The following XYLT1 variants were observed in gnomAD, a reference collection of about 807,000 sequenced individuals.
XYLT1 encodes beta-D-xylosyltransferase 1.
A neutral mutation model predicts 91.3 loss-of-function variants in XYLT1; 36 were observed. That is an observed-to-expected ratio of 0.39 (90% confidence interval 0.30 to 0.52). The LOEUF is 0.52. XYLT1 is among the 20% of genes least tolerant of loss of function. The pLI, the probability that XYLT1 is intolerant of heterozygous loss-of-function variation, is 0.68. For synonymous variants in XYLT1, 588 were observed against 532.0 expected, an observed-to-expected ratio of 1.11 and a Z score of -1.45; for missense variants, 1,242 against 1,284.5, an observed-to-expected ratio of 0.97 and a Z score of 0.51.
intron 1 of XYLT1, among the ~76,000 whole-genome samples, chr16:17,398,256 C>G (rs2035915796): frequency 6.6e-6 from 1 of 152,190 alleles, no homozygotes; most frequent in African/African-American, 2.4e-5. Context: ...ATCCAACAAG[C>G]ACTGCTTAAG....
intron 2 of XYLT1, among the ~76,000 whole-genome samples, chr16:17,284,623 CA>C (rs1356527445): frequency 6.6e-6 from 1 of 152,118 alleles, no homozygotes; most frequent in Non-Finnish European, 1.5e-5. Flanking sequence ...ATGGTAAAAG[CA>C]AAACTCTCAC....
chr16:17,345,089 G>A (rs966118359), intron 2 of XYLT1, among the ~76,000 whole-genome samples: 1 of 152,210 alleles, frequency 6.6e-6, no homozygotes, highest in African/African-American at 2.4e-5. Flanking sequence ...GGTGGCAGAG[G>A]TGAGACCCAA....
intron 3 of XYLT1, among the ~76,000 whole-genome samples, chr16:17,226,586 G>C (rs2033070237): frequency 6.6e-6 from 1 of 152,198 alleles, no homozygotes; most frequent in African/African-American, 2.4e-5. Context: ...TCAGGTGTTT[G>C]AGACAAGCCT....
At chr16:17,228,271 C>T (rs2033102824) in intron 3 of XYLT1, among the ~76,000 whole-genome samples, 2 of 152,144 alleles carry the variant, frequency 1.3e-5, no homozygotes, top group South Asian at 2.1e-4. Flanking sequence ...TAGTGAAGGA[C>T]GACAGAAGAA....
At chr16:17,343,186 C>A (rs568503261) in intron 2 of XYLT1, among the ~76,000 whole-genome samples, 1 of 152,166 alleles carries the variant, frequency 6.6e-6, no homozygotes, top group African/African-American at 2.4e-5. Context: ...CATGTTACAA[C>A]GTCAGCCCCT....
intron 5 of XYLT1, among the ~76,000 whole-genome samples, chr16:17,161,194 C>G (rs774996979): frequency 2.0e-5 from 3 of 152,098 alleles, no homozygotes; most frequent in Non-Finnish European, 4.4e-5. Flanking sequence ...TCACATTTAC[C>G]GCTTCACCGA....
chr16:17,450,999 A>G (rs1431763475), intron 1 of XYLT1, among the ~76,000 whole-genome samples: 1 of 152,214 alleles, frequency 6.6e-6, no homozygotes, highest in Non-Finnish European at 1.5e-5. Flanking sequence ...CGTTGCATGC[A>G]AAGGACAAAT....
Position 17,204,457 on chromosome 16 carries a change from G to A in XYLT1, c.914-3803C>T, listed in dbSNP as rs1312839763. The stretch of plus-strand genomic sequence containing the variant: ...AACAAAAAACCCAGAGCTCTTCTGA[G>A]TACAGCTATTCTGGGGAAGGGGTGG... On this transcript the variant is annotated intron_variant, in intron 3 of 11. Transcript: ENST00000261381. Among the ~76,000 whole-genome samples, 4 of 140,968 alleles carry A rather than the reference G, an allele frequency of 2.8e-5. No individual in the cohort carries two copies. The East Asian group carries it at 7.6e-4, about 27-fold the overall frequency. 92.5% of individuals were successfully genotyped at this position (140,968 alleles called of 152,430 possible). A position where few individuals can be genotyped will look rare whatever the true frequency, so the allele number is the denominator to read the frequency against.
At chr16:17,430,075 T>C (rs2036371745) in intron 1 of XYLT1, among the ~76,000 whole-genome samples, 2 of 152,068 alleles carry the variant, frequency 1.3e-5, no homozygotes, top group South Asian at 4.2e-4. Flanking sequence ...TAGCTGGGAT[T>C]ACAGGTGCCC....
At chr16:17,408,146 C>A (rs1034770683) in intron 1 of XYLT1, among the ~76,000 whole-genome samples, 1 of 152,136 alleles carries the variant, frequency 6.6e-6, no homozygotes, top group African/African-American at 2.4e-5. Flanking sequence ...TATAGTAATA[C>A]AAAATATACG....
intron 1 of XYLT1, among the ~76,000 whole-genome samples, chr16:17,394,794 G>A (rs1275590626): frequency 1.3e-5 from 2 of 152,148 alleles, no homozygotes. Context: ...CCCCTTAGAG[G>A]AGTTGAAAAG....
chr16:17,103,426 A>T lies in XYLT1; in HGVS notation c.*5269T>A, dbSNP rs1247204186. ...TTCTTAAAGACGACATTTGTAAGCA[A>T]TTCCTATAGCATCTGCCAACTACAG... On this transcript the variant is annotated 3_prime_UTR_variant, in exon 12 of 12. Transcript: ENST00000261381. 6.6e-6 allele frequency: 1 copy of T among 152,214 alleles called. No individual in the cohort carries two copies. The highest frequency in any genetic ancestry group is 1.5e-5 in the Non-Finnish European group (1 of 68,022). 9.4% of individuals were successfully genotyped at this position (152,214 alleles called of 1,614,324 possible).
intron 1 of XYLT1, among the ~76,000 whole-genome samples, chr16:17,407,505 G>C (rs577526827): frequency 5.7e-4 from 87 of 152,280 alleles, no homozygotes; most frequent in African/African-American, 2.0e-3. Flanking sequence ...ATGTTGCCCA[G>C]TATGGACATG....
intron 1 of XYLT1, among the ~76,000 whole-genome samples, chr16:17,399,194 A>G (rs1291854804): frequency 6.6e-6 from 1 of 152,172 alleles, no homozygotes; most frequent in Non-Finnish European, 1.5e-5. Flanking sequence ...AGGGGACATA[A>G]TTCAACCCAT....
chr16:17,223,134 C>G (rs1262995971), intron 3 of XYLT1, among the ~76,000 whole-genome samples: 1 of 152,178 alleles, frequency 6.6e-6, no homozygotes, highest in African/African-American at 2.4e-5. Context: ...TAAGACTAAC[C>G]TGTCAGCCAG....
intron 1 of XYLT1, among the ~76,000 whole-genome samples, chr16:17,462,719 G>C (rs2036839585): frequency 6.6e-6 from 1 of 152,154 alleles, no homozygotes. Context: ...CCCGGCCAAA[G>C]AACCCTGAAC....
At chr16:17,397,274 C>T (rs1388933738) in intron 1 of XYLT1, among the ~76,000 whole-genome samples, 1 of 152,230 alleles carries the variant, frequency 6.6e-6, no homozygotes, top group Non-Finnish European at 1.5e-5. Flanking sequence ...ATAAGCATTG[C>T]CATCGACCTC....
intron 6 of XYLT1, among the ~76,000 whole-genome samples, chr16:17,143,286 C>T (rs1025314966): frequency 1.3e-5 from 2 of 152,072 alleles, no homozygotes; most frequent in African/African-American, 4.8e-5. Flanking sequence ...TCATCATCTC[C>T]ATCTTCATTA....
intron 1 of XYLT1, among the ~76,000 whole-genome samples, chr16:17,372,336 A>G (rs1452656802): frequency 6.6e-6 from 1 of 152,232 alleles, no homozygotes; most frequent in East Asian, 1.9e-4. Flanking sequence ...AACACATTTT[A>G]CAGCTGCAGA....
Sources: allele counts gnomAD v4.1 joint callset (sites outside exome capture counted in the v4.1 genomes callset), GRCh38; gene constraint gnomAD v4.1.1; transcripts MANE v1.5; gene names NCBI Gene and HGNC (gene_info 2026-07-23, HGNC 2026-07-21).